The following SHISA6 variants were observed in gnomAD, a reference collection of about 807,000 sequenced individuals.
SHISA6 encodes protein shisa-6.
A neutral mutation model predicts 47.9 loss-of-function variants in SHISA6; 22 were observed. That is an observed-to-expected ratio of 0.46 (90% confidence interval 0.33 to 0.66). The LOEUF (loss-of-function observed/expected upper bound fraction) is 0.66. Among genes scored for constraint, SHISA6 ranks in the 30% least tolerant of loss-of-function variants. The pLI, the probability that SHISA6 is intolerant of heterozygous loss-of-function variation, is 0.02. For synonymous variants in SHISA6, 388 were observed against 337.8 expected (o/e 1.15, Z -1.63); for missense variants, 680 against 764.6 (o/e 0.89, Z 1.30).
At chr17:11,302,572 C>G (rs934953524) in intron 2 of SHISA6, among the ~76,000 whole-genome samples, 3 of 152,166 alleles carry the variant, frequency 2.0e-5, no homozygotes, top group Non-Finnish European at 4.4e-5. Context: ...CTTGCCAGGC[C>G]TAAGCTTTTG....
chr17:11,530,906 C>G (rs534119647), intron 3 of SHISA6, among the ~76,000 whole-genome samples: 1 of 152,158 alleles, frequency 6.6e-6, no homozygotes, highest in Non-Finnish European at 1.5e-5. Flanking sequence ...TGGAACTGCA[C>G]GGCAAATGGT....
At chr17:11,495,023 G>A (rs1412061420) in intron 3 of SHISA6, among the ~76,000 whole-genome samples, 2 of 152,174 alleles carry the variant, frequency 1.3e-5, no homozygotes, top group Admixed American at 6.5e-5. Flanking sequence ...GCCCAGTCAT[G>A]TGGGGTTTCC....
chr17:11,335,573 T>G (rs945924162), intron 2 of SHISA6, among the ~76,000 whole-genome samples: 4 of 152,104 alleles, frequency 2.6e-5, no homozygotes, highest in African/African-American at 9.7e-5. Context: ...TAGTGCAGAA[T>G]CCATGGATCT....
At chr17:11,338,314 C>G (rs1911393983) in intron 2 of SHISA6, among the ~76,000 whole-genome samples, 1 of 152,208 alleles carries the variant, frequency 6.6e-6, no homozygotes, top group Non-Finnish European at 1.5e-5. Context: ...GGAGCGACTA[C>G]TAGTGAAAGC....
intron 3 of SHISA6, among the ~76,000 whole-genome samples, chr17:11,461,328 C>T (rs548453478): frequency 7.0e-6 from 1 of 142,094 alleles, no homozygotes; most frequent in Non-Finnish European, 1.5e-5. Context: ...ACCTGGGAGG[C>T]GAAGCTTGCA....
chr17:11,280,789 G>A lies in SHISA6; in HGVS notation c.799+17263G>A, dbSNP rs572827473. 1.1e-4 allele frequency among the ~76,000 whole-genome samples: 17 copies of A among 152,318 alleles called. No homozygotes were observed. In the South Asian group the frequency reaches 2.3e-3, roughly 20 times the overall value. On this transcript the variant is annotated intron_variant, in intron 2 of 5. Coordinates refer to ENST00000441885, the MANE Select transcript of SHISA6 (RefSeq NM_207386.4). ...GAGGGAATAGATCTCCCCTTTTGAA[G>A]CAGCGTGCTCAATGGGTTGAATGGC...
chr17:11,258,473 A>C (rs1908098422), intron 1 of SHISA6, among the ~76,000 whole-genome samples: 1 of 152,160 alleles, frequency 6.6e-6, no homozygotes, highest in African/African-American at 2.4e-5. Context: ...ATTTGGGGGG[A>C]ACTAAGTTTG....
chr17:11,373,255 A>G (rs1441776996), intron 2 of SHISA6, among the ~76,000 whole-genome samples: 1 of 151,684 alleles, frequency 6.6e-6, no homozygotes, highest in Non-Finnish European at 1.5e-5. Flanking sequence ...TTAAAACTGG[A>G]CACTCTTTGT....
At chr17:11,539,125 A>G (rs764371668) in intron 3 of SHISA6, among the ~76,000 whole-genome samples, 3 of 152,126 alleles carry the variant, frequency 2.0e-5, no homozygotes, top group Non-Finnish European at 2.9e-5. Context: ...TACTTTTAAT[A>G]GAGACGGGGT....
At chr17:11,315,605 GA>G (rs1221046980) in intron 2 of SHISA6, among the ~76,000 whole-genome samples, 8 of 151,972 alleles carry the variant, frequency 5.3e-5, no homozygotes, top group African/African-American at 1.9e-4. Context: ...ATTTAAAAAA[GA>G]TTTTTTTAAA....
chr17:11,418,941 C>A (rs1379289428), intron 3 of SHISA6, among the ~76,000 whole-genome samples: 5 of 151,996 alleles, frequency 3.3e-5, no homozygotes, highest in Admixed American at 1.3e-4. Context: ...GCTTACCTGG[C>A]GCTAACTGAG....
At chr17:11,447,828 C>G (rs1179397928) in intron 3 of SHISA6, among the ~76,000 whole-genome samples, 1 of 152,254 alleles carries the variant, frequency 6.6e-6, no homozygotes, top group African/African-American at 2.4e-5. Flanking sequence ...GAAGGAAATA[C>G]CCCACATGTA....
chr17:11,269,435 C>T (rs983261101), intron 2 of SHISA6, among the ~76,000 whole-genome samples: 9 of 152,176 alleles, frequency 5.9e-5, no homozygotes, highest in African/African-American at 1.9e-4. Flanking sequence ...CTGGGAGCTT[C>T]GCTTCCATGG....
chr17:11,387,273 C>T (rs1216113707), intron 3 of SHISA6, among the ~76,000 whole-genome samples: 1 of 152,052 alleles, frequency 6.6e-6, no homozygotes, highest in Non-Finnish European at 1.5e-5. Flanking sequence ...GACAGGCACT[C>T]CATGGGGTCT....
chr17:11,354,975 A>G (rs748420534), intron 2 of SHISA6, among the ~76,000 whole-genome samples: 8 of 152,228 alleles, frequency 5.3e-5, no homozygotes, highest in African/African-American at 7.2e-5. Flanking sequence ...ATGAAAATAT[A>G]TGTACCTCTA....
At chr17:11,266,183 T>C (rs1054387951) in intron 2 of SHISA6, among the ~76,000 whole-genome samples, 3 of 152,220 alleles carry the variant, frequency 2.0e-5, no homozygotes, top group Non-Finnish European at 2.9e-5. Flanking sequence ...GGAAATTTAC[T>C]GTAATTTTGC....
intron 2 of SHISA6, among the ~76,000 whole-genome samples, chr17:11,333,410 C>G (rs35479437): frequency 3.7e-4 from 56 of 152,270 alleles, no homozygotes; most frequent in Non-Finnish European, 6.9e-4. Flanking sequence ...TTTACCACCC[C>G]CTGCAGCCTC....
At chr17:11,447,454 G>C (rs1183631181) in intron 3 of SHISA6, among the ~76,000 whole-genome samples, 1 of 152,096 alleles carries the variant, frequency 6.6e-6, no homozygotes, top group Non-Finnish European at 1.5e-5. Context: ...CAGCTTCCCG[G>C]AACTGGCTCA....
chr17:11,312,652 T>C (rs1366680157), intron 2 of SHISA6, among the ~76,000 whole-genome samples: 1 of 152,208 alleles, frequency 6.6e-6, no homozygotes, highest in Non-Finnish European at 1.5e-5. Flanking sequence ...ATATATGGTT[T>C]TGTCAAAATG....
Sources: allele counts gnomAD v4.1 joint callset (sites outside exome capture counted in the v4.1 genomes callset), GRCh38; gene constraint gnomAD v4.1.1; transcripts MANE v1.5; gene names NCBI Gene and HGNC (gene_info 2026-07-23, HGNC 2026-07-21).